XRCC4: variants seen among roughly 807,000 people sequenced by gnomAD.
XRCC4 encodes the protein DNA repair protein XRCC4.
In XRCC4, 28 loss-of-function variants were observed where a neutral mutation model predicts 39.1. The observed-to-expected ratio is 0.72, with a 90% CI of 0.53 to 0.98. The LOEUF is 0.98. XRCC4 is among the 50% of genes least tolerant of loss of function. The probability of loss-of-function intolerance (pLI) is 0.00; values close to 1 mark genes in which losing one functional copy is unlikely to be tolerated. For synonymous variants in XRCC4, 123 were observed against 126.4 expected, an observed-to-expected ratio of 0.97 and a Z score of 0.18; for missense variants, 350 against 376.4, an observed-to-expected ratio of 0.93 and a Z score of 0.58.
chr5:83,344,708 T>C (rs1756868835), intron 7 of XRCC4, among the ~76,000 whole-genome samples: 1 of 152,194 alleles, frequency 6.6e-6, no homozygotes, highest in South Asian at 2.1e-4. Context: ...AAACAATGCA[T>C]CTATGATTGT....
At chr5:83,131,409 C>T (rs930511897) in intron 3 of XRCC4, among the ~76,000 whole-genome samples, 2 of 152,106 alleles carry the variant, frequency 1.3e-5, no homozygotes, top group Admixed American at 6.6e-5. Flanking sequence ...TGGTGCAGAG[C>T]TGAGTTCAAT....
chr5:83,175,678 G>A (rs1329073309), intron 3 of XRCC4, among the ~76,000 whole-genome samples: 2 of 151,780 alleles, frequency 1.3e-5, no homozygotes, highest in Non-Finnish European at 1.5e-5. Flanking sequence ...GTGTCATCTC[G>A]GCTTACTGCA....
chr5:83,311,955 G>A (rs778808755), intron 7 of XRCC4, among the ~76,000 whole-genome samples: 6 of 151,988 alleles, frequency 3.9e-5, no homozygotes, highest in Admixed American at 1.3e-4. Flanking sequence ...GTAAAAGAAC[G>A]CAAGAAGCCA....
At chr5:83,269,824 G>A (rs747485983) in intron 7 of XRCC4, among the ~76,000 whole-genome samples, 1 of 152,154 alleles carries the variant, frequency 6.6e-6, no homozygotes, top group Non-Finnish European at 1.5e-5. Context: ...TTTGGCACCA[G>A]GGACTGGTTT....
At chr5:83,199,435 T>A (rs945741789) in intron 4 of XRCC4, among the ~76,000 whole-genome samples, 2 of 152,182 alleles carry the variant, frequency 1.3e-5, no homozygotes. Flanking sequence ...TTTTTAGCTT[T>A]CTTTGTCTTC....
chr5:83,324,279 T>C (rs1027447019), intron 7 of XRCC4, among the ~76,000 whole-genome samples: 6 of 152,156 alleles, frequency 3.9e-5, no homozygotes, highest in Non-Finnish European at 8.8e-5. Context: ...ATGAATGTAC[T>C]GTACACACAA....
intron 6 of XRCC4, among the ~76,000 whole-genome samples, chr5:83,234,126 C>T (rs1752600839): frequency 6.6e-6 from 1 of 152,078 alleles, no homozygotes; most frequent in South Asian, 2.1e-4. Context: ...ATCAGCTCTA[C>T]ATTTACAGTT....
At chr5:83,247,247 A>G (rs1411171707) in intron 6 of XRCC4, among the ~76,000 whole-genome samples, 1 of 152,214 alleles carries the variant, frequency 6.6e-6, no homozygotes, top group African/African-American at 2.4e-5. Context: ...TAGCCAACCA[A>G]GTAAGATGAT....
At chr5:83,193,801 A>G (rs754604315) in intron 3 of XRCC4, among the ~76,000 whole-genome samples, 33 of 152,184 alleles carry the variant, frequency 2.2e-4, no homozygotes, top group Non-Finnish European at 4.0e-4. Context: ...ATACAAAACC[A>G]CTTTGTGGGT....
intron 4 of XRCC4, among the ~76,000 whole-genome samples, chr5:83,196,150 A>G (rs1215120972): frequency 6.6e-6 from 1 of 152,134 alleles, no homozygotes; most frequent in Non-Finnish European, 1.5e-5. Context: ...GCACCAGCAA[A>G]TTTATAAACA....
At chr5:83,215,500 A>G (rs1007310145) in intron 6 of XRCC4, among the ~76,000 whole-genome samples, 2 of 152,248 alleles carry the variant, frequency 1.3e-5, no homozygotes, top group Non-Finnish European at 2.9e-5. Flanking sequence ...TAGACAAAAC[A>G]ATCTTGGAAA....
At chr5:83,280,567 C>A in intron 7 of XRCC4, 1 of 507,164 alleles carries the variant, frequency 2.0e-6, no homozygotes, top group South Asian at 2.8e-5. Flanking sequence ...AGCCCACACT[C>A]CGACCACTGT....
At chr5:83,367,155 G>C in the XRCC4 span, among the ~76,000 whole-genome samples, 1 of 151,892 alleles carries the variant, frequency 6.6e-6, no homozygotes, top group Non-Finnish European at 1.5e-5. Flanking sequence ...GTATCATGAT[G>C]ATTACAAGAG....
At chr5:83,297,644 AGAGT>A (rs144177662) in intron 7 of XRCC4, among the ~76,000 whole-genome samples, 2,534 of 152,066 alleles carry the variant, frequency 0.017, 79 homozygotes, top group African/African-American at 0.058. Context: ...ACAATATTAT[AGAGT>A]AAGATTATAT....
At chr5:83,320,784 T>C (rs1189586821) in intron 7 of XRCC4, among the ~76,000 whole-genome samples, 1 of 151,772 alleles carries the variant, frequency 6.6e-6, no homozygotes. Context: ...GCAATAAACA[T>C]TTTGAAATTA....
At chr5:83,212,128 ATATG>A (rs1351348089) in intron 6 of XRCC4, among the ~76,000 whole-genome samples, 1 of 152,112 alleles carries the variant, frequency 6.6e-6, no homozygotes, top group Non-Finnish European at 1.5e-5. Context: ...ATATATACAC[ATATG>A]TATGTGTGTA....
chr5:83,137,187 CATG>C (rs1747940637), intron 3 of XRCC4, among the ~76,000 whole-genome samples: 1 of 152,086 alleles, frequency 6.6e-6, no homozygotes, highest in Non-Finnish European at 1.5e-5. Context: ...TGATGTTGAT[CATG>C]ATGATGGCAC....
At chr5:83,198,138 G>A (rs1561397943) in intron 4 of XRCC4, among the ~76,000 whole-genome samples, 1 of 152,150 alleles carries the variant, frequency 6.6e-6, no homozygotes, top group Non-Finnish European at 1.5e-5. Flanking sequence ...TGGGGACATA[G>A]AAAGTAGAGA....
chr5:83,195,767 T>G lies in XRCC4; in HGVS notation c.316-3T>G. The G allele has an allele frequency of 6.4e-7, 1 of 1,562,228 alleles. No individual in the cohort carries two copies. The highest frequency in any genetic ancestry group is 8.7e-7 in the Non-Finnish European group (1 of 1,155,118). ...AATTAACCATGTTTTTCTTTCATTT[T>G]AGTTCAGACTTGGTTCCTTCAACCT... On this transcript the variant is annotated splice_region_variant and splice_polypyrimidine_tract_variant and intron_variant, in intron 3 of 7. Transcript: ENST00000396027.
Sources: allele counts gnomAD v4.1 joint callset (sites outside exome capture counted in the v4.1 genomes callset), GRCh38; gene constraint gnomAD v4.1.1; transcripts MANE v1.5; gene names NCBI Gene and HGNC (gene_info 2026-07-23, HGNC 2026-07-21).